MAPK10: variants seen among roughly 807,000 people sequenced by gnomAD.
MAPK10 encodes the protein JNK3 alpha protein kinase.
Under a neutral mutation model 59.3 loss-of-function variants are expected in MAPK10, and 25 were observed. The ratio of observed to expected loss-of-function variants is 0.42; its 90% CI spans 0.31 to 0.59. MAPK10 has a LOEUF of 0.59. Ranked by LOEUF, MAPK10 falls within the 20% of genes least tolerant of loss-of-function variation. MAPK10 has a pLI of 0.15. For synonymous variants in MAPK10, 190 were observed against 200.5 expected (o/e 0.95, Z 0.44); for missense variants, 351 against 568.9 (o/e 0.62, Z 3.90).
In MAPK10 at chr4:86,013,367, C is replaced by G. The variant is rs1262136494; in HGVS notation, c.*3861G>C. The G allele has an allele frequency of 6.6e-6, 1 of 152,238 alleles. No individual in the cohort carries two copies. Among genetic ancestry groups the G allele is most frequent in the East Asian group, 1.9e-4 (1 of 5,180 alleles). The allele number at this position is 152,238 out of a possible 1,614,324, so 9.4% of individuals were successfully genotyped here. On this transcript the variant is annotated 3_prime_UTR_variant, in exon 14 of 14. Transcript: ENST00000641462. ...GGATTGTGAGTGGGGAGTTGGGTTCCTCTTTGGATGCAAAGTGGCTGAGAT... is the reference window on the plus strand; with the variant it reads ...GGATTGTGAGTGGGGAGTTGGGTTCGTCTTTGGATGCAAAGTGGCTGAGAT...
intron 1 of MAPK10, among the ~76,000 whole-genome samples, chr4:86,399,182 C>G (rs1047341466): frequency 6.6e-6 from 1 of 152,168 alleles, no homozygotes; most frequent in African/African-American, 2.4e-5. Context: ...AATCTCTAAA[C>G]CGTTTTCCAC....
At chr4:86,107,874 GT>G in intron 4 of MAPK10, among the ~76,000 whole-genome samples, 1 of 152,054 alleles carries the variant, frequency 6.6e-6, no homozygotes, top group South Asian at 2.1e-4. Context: ...GTTTGTTATT[GT>G]TTTTTAGAAA....
At chr4:86,059,295 G>A (rs1280726712) in intron 11 of MAPK10, among the ~76,000 whole-genome samples, 1 of 152,102 alleles carries the variant, frequency 6.6e-6, no homozygotes, top group Non-Finnish European at 1.5e-5. Context: ...GCTTAATATA[G>A]CCAGGTTAAC....
chr4:86,438,983 A>G (rs1749099823), intron 1 of MAPK10, among the ~76,000 whole-genome samples: 1 of 152,230 alleles, frequency 6.6e-6, no homozygotes, highest in South Asian at 2.1e-4. Flanking sequence ...CCTTTGGTCA[A>G]TCATGCTGAC....
chr4:86,254,910 C>G (rs2093636999), intron 2 of MAPK10, among the ~76,000 whole-genome samples: 1 of 152,086 alleles, frequency 6.6e-6, no homozygotes, highest in African/African-American at 2.4e-5. Flanking sequence ...AAAACGCTTG[C>G]TCTGATCACA....
At chr4:86,345,320 C>T (rs933117676) in intron 2 of MAPK10, among the ~76,000 whole-genome samples, 10 of 152,114 alleles carry the variant, frequency 6.6e-5, no homozygotes, top group Non-Finnish European at 1.2e-4. Context: ...GCAACTTAAT[C>T]CACATAATTT....
intron 1 of MAPK10, among the ~76,000 whole-genome samples, chr4:86,445,250 C>T (rs1341239195): frequency 6.6e-5 from 10 of 152,066 alleles, no homozygotes; most frequent in African/African-American, 1.7e-4. Context: ...TAAAAATAAA[C>T]GAGATCATTT....
chr4:86,466,910 A>T (rs1422170953), intron 1 of MAPK10, among the ~76,000 whole-genome samples: 1 of 152,224 alleles, frequency 6.6e-6, no homozygotes, highest in Admixed American at 6.5e-5. Context: ...AGAAGCTTTA[A>T]AAGCCCTCCT....
chr4:86,315,679 G>A lies in MAPK10; in HGVS notation c.-7+38851C>T, dbSNP rs1286060906. Among the ~76,000 whole-genome samples the A allele has an allele frequency of 5.9e-5, 9 of 152,166 alleles. No individual in the cohort carries two copies. The East Asian group carries it at 1.5e-3, about 26-fold the overall frequency. The stretch of plus-strand genomic sequence containing the variant: ...GCATCAAGAATATAGTACCATAATA[G>A]TTTTTGCCTGTTAATTTTATTTATG... On this transcript the variant is annotated intron_variant, in intron 2 of 13. Transcript: ENST00000641462.
chr4:86,343,049 C>T (rs1725969198), intron 2 of MAPK10, among the ~76,000 whole-genome samples: 1 of 152,194 alleles, frequency 6.6e-6, no homozygotes, highest in Admixed American at 6.5e-5. Flanking sequence ...GCCATGTCCC[C>T]TATGCATAAG....
chr4:86,198,983 G>C (rs1235863955), intron 2 of MAPK10, among the ~76,000 whole-genome samples: 4 of 151,894 alleles, frequency 2.6e-5, no homozygotes, highest in African/African-American at 9.7e-5. Context: ...ATCATATTGG[G>C]ATACTATTTT....
intron 1 of MAPK10, among the ~76,000 whole-genome samples, chr4:86,527,234 C>T (rs1316463742): frequency 6.8e-6 from 1 of 147,798 alleles, no homozygotes; most frequent in African/African-American, 2.5e-5. Flanking sequence ...ATCACTTGAG[C>T]CTGGGAGGTC....
chr4:86,570,784 T>G (rs1196993124), intron 1 of MAPK10, among the ~76,000 whole-genome samples: 2 of 152,172 alleles, frequency 1.3e-5, no homozygotes, highest in East Asian at 3.9e-4. Flanking sequence ...TAGGTGACAT[T>G]TAGTCTGAAA....
chr4:86,306,383 T>C (rs192956368), intron 2 of MAPK10, among the ~76,000 whole-genome samples: 4 of 152,308 alleles, frequency 2.6e-5, no homozygotes, highest in Admixed American at 2.6e-4. Context: ...AAAAGGCAAA[T>C]AGTATTTTTG....
intron 4 of MAPK10, among the ~76,000 whole-genome samples, chr4:86,137,116 G>C (rs1193930305): frequency 6.6e-6 from 1 of 150,428 alleles, no homozygotes; most frequent in Non-Finnish European, 1.5e-5. Context: ...GTCAACATTA[G>C]ACAGATCAAC....
chr4:86,566,607 C>T (rs901577199), intron 1 of MAPK10, among the ~76,000 whole-genome samples: 1 of 151,682 alleles, frequency 6.6e-6, no homozygotes, highest in African/African-American at 2.4e-5. Flanking sequence ...CCCAGCTGCT[C>T]GGGAGGCTGG....
intron 3 of MAPK10, among the ~76,000 whole-genome samples, chr4:86,168,143 C>T (rs1402939743): frequency 5.9e-5 from 9 of 152,202 alleles, no homozygotes; most frequent in African/African-American, 9.6e-5. Flanking sequence ...ACACAGAAGA[C>T]GGGTGATTTC....
chr4:86,520,670 T>A (rs967746872), intron 1 of MAPK10, among the ~76,000 whole-genome samples: 1 of 152,208 alleles, frequency 6.6e-6, no homozygotes, highest in Non-Finnish European at 1.5e-5. Flanking sequence ...TGCGATCTTT[T>A]GGGGGTGTGA....
chr4:86,310,792 G>A (rs1176763069), intron 2 of MAPK10, among the ~76,000 whole-genome samples: 1 of 151,898 alleles, frequency 6.6e-6, no homozygotes, highest in African/African-American at 2.4e-5. Flanking sequence ...TGATTTAGTG[G>A]TTTTTTTCTT....
Sources: gnomAD v4.1 joint callset for allele counts (sites outside exome capture counted in the v4.1 genomes callset) on GRCh38, gnomAD v4.1.1 for gene constraint, MANE v1.5 for transcripts, NCBI Gene and HGNC (gene_info 2026-07-23, HGNC 2026-07-21) for gene names.